CAST: variants seen among roughly 807,000 people sequenced by gnomAD.
The protein encoded by CAST is calpastatin.
Under a neutral mutation model 119.6 loss-of-function variants are expected in CAST, and 76 were observed. That is an observed-to-expected ratio of 0.64 (90% CI 0.53 to 0.77). The LOEUF is 0.77. Among genes scored for constraint, CAST ranks in the 30% least tolerant of loss-of-function variants. CAST has a pLI of 0.00. For synonymous variants in CAST, 319 were observed against 331.6 expected, an observed-to-expected ratio of 0.96 and a Z score of 0.41; for missense variants, 953 against 946.5, an observed-to-expected ratio of 1.01 and a Z score of -0.09.
At chr5:96,108,692 G>A in the CAST span, among the ~76,000 whole-genome samples, 1 of 152,244 alleles carries the variant, frequency 6.6e-6, no homozygotes, top group Admixed American at 6.5e-5. Context: ...TCTGTGCCCT[G>A]CCCCCAGAGG....
the CAST span, among the ~76,000 whole-genome samples, chr5:96,473,694 G>A: frequency 1.3e-5 from 2 of 152,180 alleles, no homozygotes; most frequent in Admixed American, 1.3e-4. Context: ...CAGGTCACTG[G>A]CCAGGACTGA....
At chr5:95,995,610 G>A in the CAST span, among the ~76,000 whole-genome samples, 2 of 152,026 alleles carry the variant, frequency 1.3e-5, no homozygotes, top group African/African-American at 4.8e-5. Context: ...AGATCAGCAG[G>A]TTCAGTTATG....
At chr5:96,625,905 A>G (rs1160043849) in intron 1 of CAST, among the ~76,000 whole-genome samples, 1 of 151,530 alleles carries the variant, frequency 6.6e-6, no homozygotes, top group African/African-American at 2.4e-5. Flanking sequence ...ATGCGAACTC[A>G]CTCCTCCTGG....
chr5:96,295,612 G>A, the CAST span, among the ~76,000 whole-genome samples: 2 of 152,078 alleles, frequency 1.3e-5, no homozygotes, highest in Non-Finnish European at 2.9e-5. Flanking sequence ...AAATATGTTC[G>A]TATCGACCTA....
At chr5:96,147,379 C>T in the CAST span, among the ~76,000 whole-genome samples, 9 of 152,046 alleles carry the variant, frequency 5.9e-5, no homozygotes, top group East Asian at 1.9e-4. Flanking sequence ...CCGAGGCGGG[C>T]GGATCACGAG....
the CAST span, among the ~76,000 whole-genome samples, chr5:96,485,081 G>A: frequency 1.3e-5 from 2 of 152,180 alleles, no homozygotes; most frequent in East Asian, 3.8e-4. Flanking sequence ...AAAATTGAGA[G>A]AAGGAAGGAG....
chr5:96,453,570 G>A, the CAST span, among the ~76,000 whole-genome samples: 324 of 152,220 alleles, frequency 2.1e-3, no homozygotes, highest in African/African-American at 7.5e-3. Flanking sequence ...CATTACCATC[G>A]AGCACTGATA....
At chr5:96,240,832 A>T in the CAST span, among the ~76,000 whole-genome samples, 1 of 150,038 alleles carries the variant, frequency 6.7e-6, no homozygotes, top group Non-Finnish European at 1.5e-5. Context: ...TTTATACCAG[A>T]TTATTCACTA....
the CAST span, among the ~76,000 whole-genome samples, chr5:96,123,391 CA>C: frequency 6.6e-6 from 1 of 152,078 alleles, no homozygotes; most frequent in South Asian, 2.1e-4. Context: ...ATAATGAACA[CA>C]TTATTAATGT....
At chr5:96,112,622 A>G in the CAST span, among the ~76,000 whole-genome samples, 49 of 152,346 alleles carry the variant, frequency 3.2e-4, no homozygotes, top group African/African-American at 1.2e-3. Flanking sequence ...AACTATATTT[A>G]GAGATGTTCC....
intron 1 of CAST, among the ~76,000 whole-genome samples, chr5:96,646,054 A>T (rs1748010623): frequency 6.6e-6 from 1 of 152,134 alleles, no homozygotes; most frequent in African/African-American, 2.4e-5. Flanking sequence ...AAATAAGACA[A>T]ATATATATTA....
the CAST span, among the ~76,000 whole-genome samples, chr5:96,329,103 CTTCTA>C: frequency 6.6e-6 from 1 of 152,146 alleles, no homozygotes; most frequent in African/African-American, 2.4e-5. Flanking sequence ...TATCTATCAT[CTTCTA>C]TTAGTAGCAG....
the CAST span, among the ~76,000 whole-genome samples, chr5:96,349,086 AT>A: frequency 2.7e-3 from 370 of 135,728 alleles, no homozygotes; most frequent in Middle Eastern, 0.012. Context: ...ATATTCTATA[AT>A]TTTTTTTTTC....
chr5:96,751,407 C>T (rs1451051313), intron 20 of CAST, among the ~76,000 whole-genome samples: 1 of 152,174 alleles, frequency 6.6e-6, no homozygotes, highest in Non-Finnish European at 1.5e-5. Context: ...ACTATGAAGT[C>T]TGTCCTGATC....
the CAST span, among the ~76,000 whole-genome samples, chr5:96,254,917 A>G: frequency 6.6e-6 from 1 of 152,120 alleles, no homozygotes; most frequent in African/African-American, 2.4e-5. Context: ...GCCTATTCTC[A>G]CTTTTATTCT....
At chr5:96,674,475 T>C (rs1750466639) in intron 1 of CAST, among the ~76,000 whole-genome samples, 1 of 152,150 alleles carries the variant, frequency 6.6e-6, no homozygotes, top group East Asian at 1.9e-4. Context: ...TATTTTTTCA[T>C]ATTTGGCTCC....
chr5:96,616,250 G>T (rs531986417), intron 1 of CAST, among the ~76,000 whole-genome samples: 1 of 152,096 alleles, frequency 6.6e-6, no homozygotes, highest in Non-Finnish European at 1.5e-5. Context: ...TACATCTCAG[G>T]CTCCAAGTGT....
chr5:96,640,065 C>A (rs961054377), intron 1 of CAST, among the ~76,000 whole-genome samples: 2 of 152,148 alleles, frequency 1.3e-5, no homozygotes, highest in Admixed American at 6.5e-5. Flanking sequence ...TAGGCAAAGG[C>A]TCTCAGAGCC....
At chr5:96,112,021 T>C in the CAST span, among the ~76,000 whole-genome samples, 4 of 151,272 alleles carry the variant, frequency 2.6e-5, no homozygotes, top group Non-Finnish European at 5.9e-5. Context: ...TAATTAGAAA[T>C]GTTAATGAGT....
Sources: gnomAD v4.1 joint callset for allele counts (sites outside exome capture counted in the v4.1 genomes callset) on GRCh38, gnomAD v4.1.1 for gene constraint, MANE v1.5 for transcripts, NCBI Gene and HGNC (gene_info 2026-07-23, HGNC 2026-07-21) for gene names.